SNTG2: variants seen among roughly 807,000 people sequenced by gnomAD.
The protein encoded by SNTG2 is gamma-2-syntrophin.
SNTG2 carries 74 observed loss-of-function variants against 70.9 expected under a neutral mutation model. That is an observed-to-expected ratio of 1.04 (90% confidence interval 0.86 to 1.27). The LOEUF (loss-of-function observed/expected upper bound fraction) is 1.27, where lower values mean the gene tolerates loss of function less well. SNTG2 is among the 50% of genes most tolerant of loss of function. SNTG2 has a pLI of 0.00. For missense variants in SNTG2, 717 were observed against 690.7 expected, an observed-to-expected ratio of 1.04 and a Z score of -0.43; for synonymous variants, 278 against 273.8, an observed-to-expected ratio of 1.02 and a Z score of -0.15.
Position 1,290,640 on chromosome 2 carries a change from C to G in SNTG2, c.1285-17854C>G, listed in dbSNP as rs116051597. Among the ~76,000 whole-genome samples, 685 of 152,268 alleles carry G rather than the reference C, an allele frequency of 4.5e-3. 7 individuals are homozygous for G. The highest frequency in any genetic ancestry group is 0.015 in the African/African-American group (643 of 41,560). On this transcript the variant is annotated intron_variant, in intron 14 of 16. Coordinates refer to ENST00000308624, the MANE Select transcript of SNTG2 (RefSeq NM_018968.4). ...AGAAGTACTGCACACCTTTAAACAA[C>G]CAGATCTCATGAGAACTCTATCACA...
chr2:1,079,455 T>C (rs2148159567), intron 1 of SNTG2, among the ~76,000 whole-genome samples: 1 of 143,914 alleles, frequency 6.9e-6, no homozygotes, highest in Middle Eastern at 3.6e-3. Context: ...GTTGTGTTCC[T>C]GACTTTAGTT....
chr2:1,229,146 G>T (rs1676010073), intron 9 of SNTG2, among the ~76,000 whole-genome samples: 1 of 152,178 alleles, frequency 6.6e-6, no homozygotes. Context: ...GGGGACCGGA[G>T]CGGGTTGCCA....
At chr2:1,238,212 G>A (rs28435516) in intron 10 of SNTG2, among the ~76,000 whole-genome samples, 195 bp downstream of exon 10, 33,906 of 152,006 alleles carry the variant, frequency 0.22, 6,031 homozygotes, top group African/African-American at 0.49. Flanking sequence ...GTAAGGCAAT[G>A]TCTAACAGCT....
intron 2 of SNTG2, among the ~76,000 whole-genome samples, chr2:1,084,271 C>T (rs1364946081): frequency 6.6e-6 from 1 of 152,176 alleles, no homozygotes; most frequent in African/African-American, 2.4e-5. Flanking sequence ...CCCCCTTACT[C>T]GCAATCCTGT....
At chr2:1,184,273 A>AT (rs1216522871) in intron 8 of SNTG2, among the ~76,000 whole-genome samples, 1 of 152,228 alleles carries the variant, frequency 6.6e-6, no homozygotes, top group Non-Finnish European at 1.5e-5. Context: ...GTTATCCGTA[A>AT]TTTAAGTTCA....
intron 4 of SNTG2, among the ~76,000 whole-genome samples, chr2:1,114,959 G>A (rs769901074): frequency 1.1e-4 from 17 of 152,088 alleles, no homozygotes; most frequent in Non-Finnish European, 1.2e-4. Context: ...ACAGTCCTTT[G>A]AGAAGGATCG....
At chr2:1,354,972 G>C (rs899330940) in intron 16 of SNTG2, among the ~76,000 whole-genome samples, 2 of 152,182 alleles carry the variant, frequency 1.3e-5, no homozygotes, top group Non-Finnish European at 2.9e-5. Flanking sequence ...TTGACTTCAG[G>C]CTTCTGTGGC....
intron 9 of SNTG2, among the ~76,000 whole-genome samples, chr2:1,216,226 G>T (rs1674383253): frequency 1.3e-5 from 2 of 152,110 alleles, no homozygotes; most frequent in South Asian, 4.1e-4. Context: ...GTTGTTTCCT[G>T]ACTTTTTAAT....
intron 6 of SNTG2, among the ~76,000 whole-genome samples, chr2:1,155,920 C>T (rs1015551659): frequency 1.3e-5 from 2 of 152,062 alleles, no homozygotes; most frequent in African/African-American, 4.8e-5. Context: ...TCCCCATGGA[C>T]CCCAGCGTTC....
intron 14 of SNTG2, among the ~76,000 whole-genome samples, chr2:1,307,298 G>A (rs960442911): frequency 6.8e-6 from 1 of 146,680 alleles, no homozygotes; most frequent in East Asian, 2.0e-4. Context: ...CTGTGTGTGT[G>A]TGCCAGCCCT....
At chr2:1,346,933 G>C (rs896596723) in intron 16 of SNTG2, among the ~76,000 whole-genome samples, 1 of 152,104 alleles carries the variant, frequency 6.6e-6, no homozygotes, top group Non-Finnish European at 1.5e-5. Context: ...AAGTTAAGAT[G>C]AAGTCATCTG....
chr2:1,250,547 C>T (rs114294852), intron 12 of SNTG2, among the ~76,000 whole-genome samples: 1,786 of 152,052 alleles, frequency 0.012, 40 homozygotes, highest in African/African-American at 0.041. Flanking sequence ...ACTCTTTGCT[C>T]CTCTCAAGGT....
chr2:1,222,129 C>CTCTG (rs1553362386), intron 9 of SNTG2, among the ~76,000 whole-genome samples: 2 of 97,950 alleles, frequency 2.0e-5, no homozygotes, highest in East Asian at 3.0e-4. Context: ...CTCTCTGTCT[C>CTCTG]TCTCTGTCTC....
intron 8 of SNTG2, among the ~76,000 whole-genome samples, chr2:1,202,131 A>G (rs1673311863): frequency 1.3e-5 from 2 of 152,134 alleles, no homozygotes; most frequent in Non-Finnish European, 2.9e-5. Flanking sequence ...AGTGAAGAGC[A>G]CTATGAATGG....
chr2:1,183,924 A>G (rs566191085), intron 8 of SNTG2, among the ~76,000 whole-genome samples: 7 of 152,160 alleles, frequency 4.6e-5, no homozygotes, highest in Non-Finnish European at 1.0e-4. Context: ...TACTTCTGGT[A>G]GTGTTTTAGA....
chr2:1,122,749 C>T (rs1319676843), intron 4 of SNTG2, among the ~76,000 whole-genome samples: 1 of 143,960 alleles, frequency 6.9e-6, no homozygotes, highest in African/African-American at 2.5e-5. Flanking sequence ...AAAAGGCATC[C>T]GAATAAGAAA....
At chr2:1,065,215 C>T (rs1401802195) in intron 1 of SNTG2, among the ~76,000 whole-genome samples, 2 of 152,122 alleles carry the variant, frequency 1.3e-5, no homozygotes, top group African/African-American at 4.8e-5. Flanking sequence ...TTACCAGGCA[C>T]TGTGCTCTGT....
chr2:1,268,100 A>T (rs887337353), intron 14 of SNTG2, among the ~76,000 whole-genome samples: 2 of 152,206 alleles, frequency 1.3e-5, no homozygotes, highest in Non-Finnish European at 2.9e-5. Context: ...ATTTGAATGT[A>T]TACCATGTGA....
chr2:1,155,178 C>G (rs111206406), intron 6 of SNTG2, among the ~76,000 whole-genome samples: 1 of 150,254 alleles, frequency 6.7e-6, no homozygotes, highest in African/African-American at 2.5e-5. Flanking sequence ...GACCCCCCCC[C>G]CACACACATA....
Sources: gnomAD v4.1 joint callset for allele counts (sites outside exome capture counted in the v4.1 genomes callset) on GRCh38, gnomAD v4.1.1 for gene constraint, MANE v1.5 for transcripts, NCBI Gene and HGNC (gene_info 2026-07-23, HGNC 2026-07-21) for gene names.